Variants in SH2B1 observed in about 807,000 individuals in gnomAD.
SH2B1 encodes the protein SH2B adaptor protein 1.
In SH2B1, 15 loss-of-function variants were observed where a neutral mutation model predicts 62.6. That is an observed-to-expected ratio of 0.24 (90% confidence interval 0.16 to 0.37). SH2B1 has a LOEUF of 0.37. Ranked by LOEUF, SH2B1 falls within the 10% of genes least tolerant of loss-of-function variation. The probability of loss-of-function intolerance (pLI) is 1.00; values close to 1 mark genes in which losing one functional copy is unlikely to be tolerated. For missense variants in SH2B1, 925 were observed against 1,015.6 expected (o/e 0.91, Z 1.21); for synonymous variants, 443 against 438.0 (o/e 1.01, Z -0.14).
In SH2B1 at chr16:28,872,500, GCCT is replaced by G. The variant is rs751248972; in HGVS notation, c.1726-30_1726-28del. 8 of 1,591,508 alleles carry G rather than the reference GCCT, an allele frequency of 5.0e-6. No homozygotes were observed. Among genetic ancestry groups the G allele is most frequent in the African/African-American group, 1.3e-5 (1 of 74,640 alleles). ...GGGGTTTGTACCTGGCAGGGCCTTT[GCCT>G]CCTACCTCACCTCCCCCATCCCGCC... On this transcript the variant is annotated intron_variant, in intron 6 of 7. Coordinates refer to ENST00000684370, the MANE Select transcript of SH2B1 (RefSeq NM_001387430.1). The surrounding 1 kb of genome is among the most constrained non-coding windows in gnomAD (Gnocchi z 5.3).
rs1596611089 is a variant in SH2B1, at chr16:28,852,843, T to TATTTTTATATATATTTAC, written c.-301+6018_-301+6019insTTTTATATATATTTACAT. Among the ~76,000 whole-genome samples the TATTTTTATATATATTTAC allele has an allele frequency of 1.9e-4, 8 of 41,502 alleles. No homozygotes were observed. The East Asian group carries it at 3.2e-3, about 17-fold the overall frequency. The allele number at this position is 41,502 out of a possible 152,430, so 27.2% of individuals were successfully genotyped here. A position where few individuals can be genotyped will look rare whatever the true frequency, so the allele number is the denominator to read the frequency against. On this transcript the variant is annotated intron_variant, in intron 1 of 10. Coordinates refer to the SH2B1 transcript ENST00000322610. ...ACATATATATTTATATATATATACA[T>TATTTTTATATATATTTAC]ATATATATTTTTATATATATTTACA...
chr16:28,869,643 C>T (rs1455226617), intron 4 of SH2B1, among the ~76,000 whole-genome samples: 5 of 152,172 alleles, frequency 3.3e-5, no homozygotes, highest in Non-Finnish European at 7.3e-5. Flanking sequence ...TTTCAGTCAG[C>T]GTCCTGCCAG....
In SH2B1 at chr16:28,872,751, G is replaced by C. The variant is rs1374190501; in HGVS notation, c.1897+46G>C. On this transcript the variant is annotated intron_variant, in intron 7 of 7. Coordinates refer to ENST00000684370, the MANE Select transcript of SH2B1 (RefSeq NM_001387430.1). This position sits in a 1 kb window ranked among gnomAD's most constrained non-coding sequence, Gnocchi z 5.3. ...GGGGAGGAGGTGCCCGTGCACCCAA[G>C]AAGTGAGGTGTGTGTGCCAGAAAGA... is the stretch of plus-strand genomic sequence containing the variant. The C allele has an allele frequency of 1.9e-6, 3 of 1,609,572 alleles. No homozygotes were observed. The highest frequency in any genetic ancestry group is 3.4e-5 in the Admixed American group (2 of 59,018).
intron 4 of SH2B1, among the ~76,000 whole-genome samples, chr16:28,870,139 A>G (rs1452455259): frequency 1.3e-5 from 2 of 152,184 alleles, no homozygotes; most frequent in Non-Finnish European, 2.9e-5. Context: ...CTGCCTGCCT[A>G]TGACATTTGT....
In SH2B1 at chr16:28,852,874, AT is replaced by A. The variant is rs1248028833; in HGVS notation, c.-301+6052del. Among the ~76,000 whole-genome samples, 87 of 76,620 alleles carry A rather than the reference AT, an allele frequency of 1.1e-3. 11 individuals carry two copies. Among genetic ancestry groups the A allele is most frequent in the Non-Finnish European group, 1.9e-3 (81 of 43,744 alleles). The allele number at this position is 76,620 out of a possible 152,430, so 50.3% of individuals were successfully genotyped here. A position where few individuals can be genotyped will look rare whatever the true frequency, so the allele number is the denominator to read the frequency against. ...TATTTTTATATATATTTACATATAT[AT>A]TTTTATATATATTTACATATATTTT... On this transcript the variant is annotated intron_variant, in intron 1 of 10. Coordinates refer to the SH2B1 transcript ENST00000322610.
chr16:28,848,489 C>G (rs1962033244), intron 1 of SH2B1, among the ~76,000 whole-genome samples: 1 of 151,936 alleles, frequency 6.6e-6, no homozygotes, highest in South Asian at 2.1e-4. Context: ...TTAGGAAACT[C>G]TGAACTAGAG....
chr16:28,866,428 A>G lies in SH2B1; in HGVS notation c.334A>G (p.Arg112Gly). 6.2e-7 allele frequency: 1 copy of G among 1,613,958 alleles called. No homozygotes were observed. The highest frequency in any genetic ancestry group is 1.1e-5 in the South Asian group (1 of 91,084). Residue 112 changes from arginine (R) to glycine (G), a missense_variant, in exon 1 of 8, where the codon AGG (arginine) becomes GGG (glycine). Physicochemically the swap from Arg to Gly is moderately radical, Grantham distance 125. This residue lies in a region of SH2B1 where 683 missense variants were observed against 704.0 expected (regional missense o/e 0.97). Coordinates refer to ENST00000684370, the MANE Select transcript of SH2B1 (RefSeq NM_001387430.1). The surrounding 1 kb of genome is among the most constrained non-coding windows in gnomAD (Gnocchi z 6.3). ...SPHDLSLESC[R>G]VGGPLAVLGP... ...ACATGACCTGTCCCTTGAGAGCTGC[A>G]GGGTGGGTGGGCCCCTGGCTGTGCT...
chr16:28,864,955 A>G lies in SH2B1; in HGVS notation c.-1140A>G, dbSNP rs1222473812. 8.1e-6 allele frequency: 3 copies of G among 372,644 alleles called. No homozygotes were observed. Among genetic ancestry groups the G allele is most frequent in the Admixed American group, 6.4e-5 (1 of 15,508 alleles). 23.1% of individuals were successfully genotyped at this position (372,644 alleles called of 1,614,324 possible). A position where few individuals can be genotyped will look rare whatever the true frequency, so the allele number is the denominator to read the frequency against. On this transcript the variant is annotated 5_prime_UTR_variant, in exon 1 of 8. Transcript: ENST00000684370. The stretch of plus-strand genomic sequence containing the variant: ...ATCATTAGCTTTGTTTAACAGATAG[A>G]AAAACGGAGGCTCAGAGAGGACGTG...
upstream of SH2B1, chr16:28,863,613 G>A (rs368272788): frequency 6.3e-6 from 9 of 1,437,240 alleles, no homozygotes; most frequent in Non-Finnish European, 7.5e-6. Flanking sequence ...TCCTCCGGGA[G>A]GACGCTCTGG....
At chr16:28,862,298 A>G (rs901038080), upstream of SH2B1, 16 of 152,030 alleles carry the variant, frequency 1.1e-4, no homozygotes, top group African/African-American at 3.6e-4. Context: ...CATTATTATT[A>G]TTGTTATTAT....
At position 28,865,942 on chromosome 16, in the gene SH2B1, G is replaced by C. The variant is rs572404875; in HGVS notation, c.-153G>C. 5.1e-5 allele frequency: 73 copies of C among 1,422,494 alleles called. 1 individual carries two copies. The Admixed American group carries it at 1.2e-3, about 23-fold the overall frequency. The allele number at this position is 1,422,494 out of a possible 1,614,324, so 88.1% of individuals were successfully genotyped here. On this transcript the variant is annotated 5_prime_UTR_variant, in exon 1 of 8. Coordinates refer to ENST00000684370, the MANE Select transcript of SH2B1 (RefSeq NM_001387430.1). The stretch of plus-strand genomic sequence containing the variant: ...AAGTAGGGTCGGACGTCTCTGGCTG[G>C]GGGTGGGATGCAGCCTCCGGTGCGC...
upstream of SH2B1, chr16:28,862,286 CTCA>C (rs1482049983): frequency 2.6e-5 from 4 of 152,074 alleles, no homozygotes; most frequent in African/African-American, 9.7e-5. Context: ...TGGAATTGAC[CTCA>C]TTATTATTAT....
chr16:28,851,417 G>A (rs1201301350), intron 1 of SH2B1, among the ~76,000 whole-genome samples: 1 of 151,296 alleles, frequency 6.6e-6, no homozygotes, highest in Non-Finnish European at 1.5e-5. Flanking sequence ...GAGCTCTCCA[G>A]TGGGTCTCCT....
Position 28,869,041 on chromosome 16 carries a change from G to A in SH2B1, c.1077G>A (p.Val359=), listed in dbSNP as rs144175795. 55 of 1,614,040 alleles carry A rather than the reference G, an allele frequency of 3.4e-5. No individual in the cohort carries two copies. Among genetic ancestry groups the A allele is most frequent in the Non-Finnish European group, 4.4e-5 (52 of 1,180,010 alleles). Residue 359 remains valine, a synonymous_variant, in exon 3 of 8, where the codon GTG becomes GTA. Transcript: ENST00000684370. ...CATCCGAGTATATCATGGAGACAGT[G>A]GATGCCCAGCATGTGAAGGCCTGGG... The part of the protein sequence containing the change: ...EGPSEYIMET[V]DAQHVKAWVS...
At position 28,873,601 on chromosome 16, in the gene SH2B1, C is replaced by T. The variant is rs748376807; in HGVS notation, c.2052C>T (p.Gly684=). ...AGAGGCAAGAGAAAGAGAAAGCGGG[C>T]GGTGGAGGGGTCCCGGAAGAGCTGG... ...AKERQEKEKA[G]GGGVPEELVP... is the part of the protein sequence containing the mutation. Residue 684 remains glycine (G), a synonymous_variant, in exon 8 of 8, where the codon GGC becomes GGT. Transcript: ENST00000684370. This position sits in a 1 kb window ranked among gnomAD's most constrained non-coding sequence, Gnocchi z 4.2. The T allele has an allele frequency of 1.3e-5, 21 of 1,556,486 alleles. No homozygotes were observed. Among genetic ancestry groups the T allele is most frequent in the African/African-American group, 2.7e-5 (2 of 73,178 alleles).
chr16:28,872,586 G>T lies in SH2B1; in HGVS notation c.1778G>T (p.Trp593Leu). 1 of 1,614,172 alleles carries T rather than the reference G, an allele frequency of 6.2e-7. No individual in the cohort carries two copies. The highest frequency in any genetic ancestry group is 8.5e-7 in the Non-Finnish European group (1 of 1,180,016). ...EEGQCRVQHL[W>L]FQSIFDMLEH... ...GGTCAGTGCCGGGTCCAGCACCTGT[G>T]GTTCCAGTCCATTTTCGATATGCTC... Residue 593 changes from tryptophan (W) to leucine (L), a missense_variant, in exon 7 of 8, where the codon TGG becomes TTG. This residue lies in a region of SH2B1 where 57 missense variants were observed against 122.1 expected (regional missense o/e 0.47). Transcript: ENST00000684370. This position sits in a 1 kb window ranked among gnomAD's most constrained non-coding sequence, Gnocchi z 5.3.
rs892407524 is a variant in SH2B1, at chr16:28,863,920, A to G, written c.-2175A>G. ...CCGCCGCCGCCGCCGCCGCCGCCGG[A>G]GCTAACCTCGGGGACCGAGATGCAG... On this transcript the variant is annotated 5_prime_UTR_variant, in exon 1 of 8. Coordinates refer to ENST00000684370, the MANE Select transcript of SH2B1 (RefSeq NM_001387430.1). 53 of 1,485,468 alleles carry G rather than the reference A, an allele frequency of 3.6e-5. No homozygotes were observed. The highest frequency in any genetic ancestry group is 4.5e-5 in the Non-Finnish European group (51 of 1,124,430). 92.0% of individuals were successfully genotyped at this position (1,485,468 alleles called of 1,614,324 possible).
At chr16:28,851,427 T>C (rs1962096449) in intron 1 of SH2B1, among the ~76,000 whole-genome samples, 1 of 151,238 alleles carries the variant, frequency 6.6e-6, no homozygotes. Flanking sequence ...GTGGGTCTCC[T>C]GGCTTCTGTT....
rs760583013 is a variant in SH2B1, at chr16:28,866,129, C to T, written c.35C>T (p.Ser12Phe). 8 of 1,579,710 alleles carry T rather than the reference C, an allele frequency of 5.1e-6. No homozygotes were observed. Among genetic ancestry groups the T allele is most frequent in the Non-Finnish European group, 5.1e-6 (6 of 1,165,440 alleles). Residue 12 changes from serine (S) to phenylalanine (F), a missense_variant, in exon 1 of 8, where the codon TCC becomes TTC. Transcript: ENST00000684370. The surrounding 1 kb of genome is among the most constrained non-coding windows in gnomAD (Gnocchi z 6.3). ...GCCCCTTCCCCAGAGGACGGGGCCTCCCCCTCGTCTCCCCCGCTGCCCCCA... is the reference window on the plus strand; with the variant it reads ...GCCCCTTCCCCAGAGGACGGGGCCTTCCCCTCGTCTCCCCCGCTGCCCCCA... ...NGAPSPEDGA[S>F]PSSPPLPPPP...
Sources: allele counts gnomAD v4.1 joint callset (sites outside exome capture counted in the v4.1 genomes callset), GRCh38; gene constraint gnomAD v4.1.1; regional missense constraint gnomAD v4.1.1; non-coding constraint Gnocchi (gnomAD v3.1); transcripts MANE v1.5; gene names NCBI Gene and HGNC (gene_info 2026-07-23, HGNC 2026-07-21).